ARHGAP22: variants seen among roughly 807,000 people sequenced by gnomAD.
ARHGAP22 encodes the protein Rho GTPase activating protein 22.
ARHGAP22 carries 48 observed loss-of-function variants against 59.1 expected under a neutral mutation model. The ratio of observed to expected loss-of-function variants is 0.81; its 90% confidence interval spans 0.64 to 1.03. The LOEUF is 1.03. Among genes scored for constraint, ARHGAP22 ranks in the 50% least tolerant of loss-of-function variants. The pLI is 0.00. For synonymous variants in ARHGAP22, 445 were observed against 416.4 expected, an observed-to-expected ratio of 1.07 and a Z score of -0.84; for missense variants, 1,015 against 958.7, an observed-to-expected ratio of 1.06 and a Z score of -0.78.
the ARHGAP22 span, chr10:48,435,057 G>GA: frequency 2.4e-6 from 1 of 421,632 alleles, no homozygotes; most frequent in Admixed American, 2.9e-5. Context: ...GGGTGGGAGG[G>GA]ATGGGGAGTC....
At chr10:48,637,507 A>T (rs900496436) in intron 1 of ARHGAP22, among the ~76,000 whole-genome samples, 14 of 151,438 alleles carry the variant, frequency 9.2e-5, no homozygotes, top group African/African-American at 3.2e-4. Flanking sequence ...GATGGTAAAG[A>T]AATGAGTGGA....
At chr10:48,455,962 C>T (rs905726264) in intron 5 of ARHGAP22, among the ~76,000 whole-genome samples, 6 of 152,324 alleles carry the variant, frequency 3.9e-5, no homozygotes, top group South Asian at 2.1e-4. Flanking sequence ...CTCAGTCTCC[C>T]GCTCTGGCTC....
In ARHGAP22 at chr10:48,523,702, C is replaced by T. The variant is rs963357539; in HGVS notation, c.322+31761G>A. 7.8e-4 allele frequency among the ~76,000 whole-genome samples: 119 copies of T among 152,010 alleles called. 2 individuals carry two copies. The highest frequency in any genetic ancestry group is 2.8e-3 in the African/African-American group (117 of 41,404). On this transcript the variant is annotated intron_variant, in intron 3 of 9. Transcript: ENST00000249601. ...CGGGTCTGGGCGCCGGGGGTTCCTC[C>T]GTCCCGGCCGTGGACTTGGCGGACC...
At chr10:48,511,638 T>G (rs1173102682) in intron 3 of ARHGAP22, 2 of 152,212 alleles carry the variant, frequency 1.3e-5, no homozygotes, top group East Asian at 3.9e-4. Context: ...GGCCCAGGAC[T>G]CATCATAACA....
rs2046353082 is a variant in ARHGAP22 at position 48,455,008 on chromosome 10, C to A, written c.786G>T (p.Glu262Asp). Residue 262 changes from glutamate to aspartate, a missense_variant, in exon 6 of 10, where the codon GAG (glutamate) becomes GAT (aspartate). Coordinates refer to ENST00000249601, the MANE Select transcript of ARHGAP22 (RefSeq NM_021226.4). ...LSCAQLLTKD[E>D]GEGTLELAKQ... is the part of the protein sequence containing the mutation. ...ATCCCCAGGAGCCACTGACCTCCCC[C>A]TCGTCCTTGGTGAGCAGCTGGGCGC... 1 of 1,600,426 alleles carries A rather than the reference C, an allele frequency of 6.2e-7. No homozygotes were observed.
At chr10:48,577,353 G>A (rs556071021) in intron 2 of ARHGAP22, among the ~76,000 whole-genome samples, 1 of 152,284 alleles carries the variant, frequency 6.6e-6, no homozygotes, top group East Asian at 1.9e-4. Flanking sequence ...CCTCAAATGA[G>A]AGTGTTTCCT....
At chr10:48,543,659 C>T (rs2056173254) in intron 3 of ARHGAP22, among the ~76,000 whole-genome samples, 1 of 152,086 alleles carries the variant, frequency 6.6e-6, no homozygotes, top group Non-Finnish European at 1.5e-5. Context: ...CCTCTGGAGC[C>T]AGGGAAGGGC....
chr10:48,601,714 GATA>G (rs774989753), intron 1 of ARHGAP22, among the ~76,000 whole-genome samples: 28 of 152,280 alleles, frequency 1.8e-4, no homozygotes, highest in Non-Finnish European at 3.7e-4. Context: ...TGTTATATAT[GATA>G]ATAATTTTTC....
rs1408743935 is a variant in ARHGAP22 at position 48,454,108 on chromosome 10, G to T, written c.846C>A (p.Asn282Lys). 11 of 1,613,952 alleles carry T rather than the reference G, an allele frequency of 6.8e-6. No individual in the cohort carries two copies. In the Middle Eastern group the frequency reaches 6.6e-4, roughly 97 times the overall value. ...CTTACTTGCAGATGTATCTGAGCAG[G>T]TTGTAATTTGCCTGAGGAAGGTTGC... ...QVSNLPQANY[N>K]LLRYICKFLD... is the part of the protein sequence containing the mutation. The change falls in exon 7 of 10, where the codon AAC (asparagine) becomes AAA (lysine). Residue 282 changes from asparagine (N) to lysine (K), a missense_variant. Asn to Lys is a moderately conservative substitution (Grantham distance 94). Coordinates refer to ENST00000249601, the MANE Select transcript of ARHGAP22 (RefSeq NM_021226.4).
At chr10:48,578,218 G>A (rs2135568462) in intron 2 of ARHGAP22, among the ~76,000 whole-genome samples, 1 of 152,132 alleles carries the variant, frequency 6.6e-6, no homozygotes, top group Middle Eastern at 3.4e-3. Context: ...GTCTTTGAGG[G>A]GTTTTGTTTT....
At chr10:48,616,563 C>T (rs1038009624) in intron 1 of ARHGAP22, among the ~76,000 whole-genome samples, 34 of 152,170 alleles carry the variant, frequency 2.2e-4, no homozygotes, top group African/African-American at 6.3e-4. Context: ...CAAAAGCCAG[C>T]GTCAGGGAGA....
intron 3 of ARHGAP22, among the ~76,000 whole-genome samples, chr10:48,535,543 G>A (rs2055264622): frequency 6.6e-6 from 1 of 152,174 alleles, no homozygotes; most frequent in Non-Finnish European, 1.5e-5. Context: ...CCTTGACCAG[G>A]GTTTAGTCAT....
At chr10:48,541,496 C>T (rs1035247009) in intron 3 of ARHGAP22, among the ~76,000 whole-genome samples, 26 of 152,208 alleles carry the variant, frequency 1.7e-4, no homozygotes, top group African/African-American at 6.3e-4. Flanking sequence ...TCTTGAGCCT[C>T]CTGCTAAGAG....
At chr10:48,655,038 C>CT (rs906938714), upstream of ARHGAP22, among the ~76,000 whole-genome samples, 3 of 57,696 alleles carry the variant, frequency 5.2e-5, no homozygotes, top group Non-Finnish European at 1.0e-4. Flanking sequence ...TTCATTCTTT[C>CT]TTTCTTTCTT....
intron 1 of ARHGAP22, among the ~76,000 whole-genome samples, chr10:48,631,260 G>A (rs1042938125): frequency 2.0e-5 from 3 of 152,288 alleles, no homozygotes; most frequent in Admixed American, 6.5e-5. Flanking sequence ...ATACTGATGT[G>A]TAGCTTTTCT....
At chr10:48,529,739 C>T (rs1394734026) in intron 3 of ARHGAP22, among the ~76,000 whole-genome samples, 1 of 152,130 alleles carries the variant, frequency 6.6e-6, no homozygotes, top group East Asian at 1.9e-4. Flanking sequence ...TAGCATGGTA[C>T]TGGTATAAAA....
At chr10:48,643,989 A>G (rs759573705) in intron 1 of ARHGAP22, among the ~76,000 whole-genome samples, 2 of 151,960 alleles carry the variant, frequency 1.3e-5, no homozygotes, top group Non-Finnish European at 2.9e-5. Flanking sequence ...CTCTACTAAA[A>G]ATACAAAATT....
intron 2 of ARHGAP22, among the ~76,000 whole-genome samples, chr10:48,566,089 C>A (rs75177936): frequency 0.33 from 50,832 of 151,944 alleles, 9,618 homozygotes; most frequent in East Asian, 0.89. Context: ...CAAAGACTGG[C>A]TCTCTGGGAA....
intron 1 of ARHGAP22, among the ~76,000 whole-genome samples, chr10:48,643,284 G>A (rs1337312263): frequency 1.3e-5 from 2 of 152,046 alleles, no homozygotes; most frequent in African/African-American, 2.4e-5. Flanking sequence ...AAAGACACAT[G>A]CACACGCCGC....
Sources: gnomAD v4.1 joint callset for allele counts (sites outside exome capture counted in the v4.1 genomes callset) on GRCh38, gnomAD v4.1.1 for gene constraint, MANE v1.5 for transcripts, NCBI Gene and HGNC (gene_info 2026-07-23, HGNC 2026-07-21) for gene names.